Variants in CPPED1 observed in about 807,000 individuals in gnomAD.
The protein encoded by CPPED1 is serine/threonine-protein phosphatase CPPED1.
In CPPED1, 28 loss-of-function variants were observed where a neutral mutation model predicts 28.0. The observed-to-expected ratio is 1.00, with a 90% CI of 0.74 to 1.37. The LOEUF (loss-of-function observed/expected upper bound fraction) is 1.37. Ranked by LOEUF, CPPED1 falls within the 40% of genes most tolerant of loss-of-function variation. CPPED1 has a pLI of 0.00. For missense variants in CPPED1, 504 were observed against 416.5 expected, an observed-to-expected ratio of 1.21 and a Z score of -1.83; for synonymous variants, 198 against 180.2, an observed-to-expected ratio of 1.10 and a Z score of -0.79.
chr16:12,664,236 G>C lies in CPPED1; in HGVS notation c.*650C>G. Reference sequence around the variant, plus strand: ...CAGAAATGGCCAATTTATGTGCAAAGGTGACTTTTCTAGGCACCCAGGAAG... The same window carrying C: ...CAGAAATGGCCAATTTATGTGCAAACGTGACTTTTCTAGGCACCCAGGAAG... On this transcript the variant is annotated 3_prime_UTR_variant, in exon 4 of 4. Coordinates refer to ENST00000381774, the MANE Select transcript of CPPED1 (RefSeq NM_018340.3). The surrounding 1 kb of genome is among the most constrained non-coding windows in gnomAD (Gnocchi z 4.2). The C allele has an allele frequency of 2.6e-6, 1 of 380,024 alleles. No individual in the cohort carries two copies. Among genetic ancestry groups the C allele is most frequent in the Non-Finnish European group, 3.6e-6 (1 of 276,244 alleles). 23.5% of individuals were successfully genotyped at this position (380,024 alleles called of 1,614,324 possible). A position where few individuals can be genotyped will look rare whatever the true frequency, so the allele number is the denominator to read the frequency against.
intron 1 of CPPED1, among the ~76,000 whole-genome samples, chr16:12,800,268 G>A (rs546337133): frequency 1.3e-5 from 2 of 152,070 alleles, no homozygotes; most frequent in Non-Finnish European, 2.9e-5. Context: ...GCGAAACCCT[G>A]TCTCTACTAA....
At chr16:12,701,857 G>A (rs1232412673) in intron 3 of CPPED1, among the ~76,000 whole-genome samples, 1 of 152,178 alleles carries the variant, frequency 6.6e-6, no homozygotes, top group Non-Finnish European at 1.5e-5. Flanking sequence ...TTCAGCTAGC[G>A]AGCTCCTCCG....
chr16:12,708,916 C>T (rs1373556757), intron 2 of CPPED1, among the ~76,000 whole-genome samples: 1 of 152,132 alleles, frequency 6.6e-6, no homozygotes. Flanking sequence ...CCCATCTCTA[C>T]TAAAAATACA....
At chr16:12,715,552 C>T (rs751416000) in intron 2 of CPPED1, among the ~76,000 whole-genome samples, 25 of 152,096 alleles carry the variant, frequency 1.6e-4, no homozygotes, top group Non-Finnish European at 2.9e-4. Flanking sequence ...CCCAGCTACT[C>T]GGGAGGCTGA....
intron 1 of CPPED1, among the ~76,000 whole-genome samples, chr16:12,793,094 A>G (rs2080606314): frequency 6.6e-6 from 1 of 152,180 alleles, no homozygotes; most frequent in South Asian, 2.1e-4. Flanking sequence ...CACCTGCTCT[A>G]TGGCACTGGC....
intron 3 of CPPED1, among the ~76,000 whole-genome samples, chr16:12,702,412 C>T (rs903922415): frequency 1.3e-5 from 2 of 152,072 alleles, no homozygotes; most frequent in Admixed American, 1.3e-4. Flanking sequence ...GTGGTGTGTG[C>T]CTATAGTCCC....
At chr16:12,789,717 G>T (rs1421192917) in intron 1 of CPPED1, among the ~76,000 whole-genome samples, 1 of 151,996 alleles carries the variant, frequency 6.6e-6, no homozygotes, top group African/African-American at 2.4e-5. Flanking sequence ...GGTAGAGACG[G>T]GGTTTTACCA....
chr16:12,754,844 A>T (rs1039692369), intron 2 of CPPED1, among the ~76,000 whole-genome samples: 2 of 150,770 alleles, frequency 1.3e-5, no homozygotes, highest in South Asian at 2.1e-4. Flanking sequence ...TATTAAAATT[A>T]AAAAAAAAAT....
chr16:12,787,950 C>T (rs752041469), intron 1 of CPPED1, among the ~76,000 whole-genome samples: 2 of 152,124 alleles, frequency 1.3e-5, no homozygotes, highest in Non-Finnish European at 2.9e-5. Context: ...GGGCAGGATC[C>T]GTTTCCAAGC....
intron 2 of CPPED1, among the ~76,000 whole-genome samples, chr16:12,779,224 C>T (rs751675900): frequency 1.6e-4 from 25 of 151,838 alleles, no homozygotes; most frequent in Non-Finnish European, 2.1e-4. Flanking sequence ...TTTTCTTCTT[C>T]TTTTTTCTTA....
chr16:12,778,504 G>A (rs1416054503), intron 2 of CPPED1, among the ~76,000 whole-genome samples: 1 of 152,128 alleles, frequency 6.6e-6, no homozygotes, highest in Admixed American at 6.6e-5. Flanking sequence ...TTGAATTCCT[G>A]ACCTCAGGTG....
rs1412136698 is a variant in CPPED1 at position 12,802,784 on chromosome 16, C to T, written c.70+923G>A. The stretch of plus-strand genomic sequence containing the variant: ...AGCGCCAAGACCCTCAGGGAAAGAA[C>T]GGCCTTGGCCCTTTTAAATGCAGTT... On this transcript the variant is annotated intron_variant, in intron 1 of 3. Transcript: ENST00000381774. Among the ~76,000 whole-genome samples the T allele has an allele frequency of 2.0e-5, 3 of 152,318 alleles. No homozygotes were observed. In the East Asian group the frequency reaches 5.8e-4, roughly 29 times the overall value.
chr16:12,725,001 T>G (rs1383024287), intron 2 of CPPED1, among the ~76,000 whole-genome samples: 1 of 151,960 alleles, frequency 6.6e-6, no homozygotes, highest in Non-Finnish European at 1.5e-5. Context: ...TTAGCCAGGA[T>G]AGTCTCGATC....
At chr16:12,678,670 G>C (rs916483538) in intron 3 of CPPED1, among the ~76,000 whole-genome samples, 2 of 151,972 alleles carry the variant, frequency 1.3e-5, no homozygotes, top group Non-Finnish European at 2.9e-5. Flanking sequence ...AATTATTTTT[G>C]TAATTTCACT....
chr16:12,759,163 T>TACAAA (rs750180409), intron 2 of CPPED1: 3 of 74,356 alleles, frequency 4.0e-5, no homozygotes, highest in Admixed American at 1.8e-4. Context: ...ACTCTGTCTC[T>TACAAA]AAAAAAAAAA....
At chr16:12,762,435 C>T (rs1459770045) in intron 2 of CPPED1, among the ~76,000 whole-genome samples, 1 of 152,116 alleles carries the variant, frequency 6.6e-6, no homozygotes, top group Admixed American at 6.6e-5. Context: ...CAACAATCTG[C>T]TTCTAAGAAT....
intron 2 of CPPED1, among the ~76,000 whole-genome samples, chr16:12,707,984 T>C (rs969356391): frequency 2.0e-5 from 3 of 152,196 alleles, no homozygotes; most frequent in Admixed American, 2.0e-4. Flanking sequence ...CCAACTCTGC[T>C]AAAAATAGAA....
At chr16:12,798,809 C>A (rs1237148928) in intron 1 of CPPED1, among the ~76,000 whole-genome samples, 3 of 152,166 alleles carry the variant, frequency 2.0e-5, no homozygotes, top group Non-Finnish European at 2.9e-5. Flanking sequence ...GAAAGTAGTC[C>A]TAATTAGGAT....
intron 3 of CPPED1, among the ~76,000 whole-genome samples, chr16:12,686,858 GA>G (rs1160825287): frequency 6.6e-6 from 1 of 152,126 alleles, no homozygotes; most frequent in Non-Finnish European, 1.5e-5. Context: ...TTTAAGTGCA[GA>G]AAATGTAAAG....
Sources: gnomAD v4.1 joint callset for allele counts (sites outside exome capture counted in the v4.1 genomes callset) on GRCh38, gnomAD v4.1.1 for gene constraint, Gnocchi (gnomAD v3.1) non-coding constraint, MANE v1.5 for transcripts, NCBI Gene and HGNC (gene_info 2026-07-23, HGNC 2026-07-21) for gene names.